The following STAMBPL1 variants were observed in gnomAD, a reference collection of about 807,000 sequenced individuals.
The protein encoded by STAMBPL1 is STAM binding protein like 1, also known as AMSH-like protease.
STAMBPL1 carries 44 observed loss-of-function variants against 52.9 expected under a neutral mutation model. The ratio of observed to expected loss-of-function variants is 0.83; its 90% CI spans 0.65 to 1.07. The LOEUF (loss-of-function observed/expected upper bound fraction) is 1.07, where lower values mean the gene tolerates loss of function less well. Among genes scored for constraint, STAMBPL1 ranks in the 50% least tolerant of loss-of-function variants. STAMBPL1 has a pLI of 0.00. For missense variants in STAMBPL1, 511 were observed against 520.8 expected (o/e 0.98, Z 0.18); for synonymous variants, 164 against 177.3 (o/e 0.92, Z 0.60).
chr10:88,912,861 C>T, intron 5 of STAMBPL1: 1 of 459,568 alleles, frequency 2.2e-6, no homozygotes. Flanking sequence ...ATGAAGGGAT[C>T]CTGATTGTCA....
At chr10:88,921,203 A>AG (rs1845501566) in intron 8 of STAMBPL1, 80 bp from the exon 9 acceptor site, 2 of 1,147,692 alleles carry the variant, frequency 1.7e-6, no homozygotes, top group East Asian at 2.5e-5. Context: ...CTAAAAAAAA[A>AG]CAGAGTTTTC....
At chr10:88,917,651 TA>T (rs2133209940) in intron 8 of STAMBPL1, among the ~76,000 whole-genome samples, 1 of 152,310 alleles carries the variant, frequency 6.6e-6, no homozygotes, top group East Asian at 1.9e-4. Flanking sequence ...TAATTGGTGA[TA>T]ATAATCTATC....
chr10:88,912,876 C>T, intron 5 of STAMBPL1: 1 of 498,970 alleles, frequency 2.0e-6, no homozygotes, highest in Non-Finnish European at 3.6e-6. Context: ...TTGTCATGGC[C>T]TGTCTCTGGT....
intron 1 of STAMBPL1, among the ~76,000 whole-genome samples, chr10:88,888,992 A>G (rs1844610391): frequency 6.6e-6 from 1 of 152,206 alleles, no homozygotes; most frequent in African/African-American, 2.4e-5. Context: ...ATTCCAGTAT[A>G]CTTAATGAAT....
chr10:88,889,745 C>CA (rs540630159), intron 1 of STAMBPL1, among the ~76,000 whole-genome samples: 132 of 152,324 alleles, frequency 8.7e-4, no homozygotes, highest in African/African-American at 2.8e-3. Flanking sequence ...CAGTAGTCAT[C>CA]AAAATCAGTA....
chr10:88,889,913 G>C lies in STAMBPL1; in HGVS notation c.-54+9275G>C, dbSNP rs1312138631. ...TCTGCAATAGTTCCTAAGTCTTTCT[G>C]TCTTTCATGATCTTGACACTTTTTA... On this transcript the variant is annotated intron_variant, in intron 1 of 10. Coordinates refer to ENST00000371926, the MANE Select transcript of STAMBPL1 (RefSeq NM_020799.4). Among the ~76,000 whole-genome samples, 3 of 152,238 alleles carry C rather than the reference G, an allele frequency of 2.0e-5. No homozygotes were observed. The East Asian group carries it at 5.8e-4, about 29-fold the overall frequency.
rs776712911 is a variant in STAMBPL1 at position 88,910,943 on chromosome 10, A to G, written c.352A>G (p.Thr118Ala). 5.6e-6 allele frequency: 9 copies of G among 1,597,604 alleles called. No homozygotes were observed. In the East Asian group the frequency reaches 6.8e-5, roughly 12 times the overall value. The change falls in exon 5 of 11, where the codon ACA becomes GCA. Residue 118 changes from threonine (T) to alanine (A), a missense_variant. By Grantham distance (58) the Thr-to-Ala change is moderately conservative. This residue lies in a region of STAMBPL1 where 358 missense variants were observed against 343.5 expected (regional missense o/e 1.04). Transcript: ENST00000371926. The part of the protein sequence containing the change: ...KKLKEIAFPR[T>A]DELKNDLLKK... ...ACTGAAGGAGATTGCATTCCCAAGG[A>G]CAGATGAATTGAAAAACGACCTTTT...
chr10:88,916,887 T>A, intron 8 of STAMBPL1, 70 bp downstream of exon 8: 1 of 1,345,862 alleles, frequency 7.4e-7, no homozygotes, highest in Non-Finnish European at 9.7e-7. Flanking sequence ...TGAAGAAAAG[T>A]TTAGCTTCAT....
chr10:88,911,183 T>G (rs17114116), intron 5 of STAMBPL1, among the ~76,000 whole-genome samples, 172 bp downstream of exon 5: 2,443 of 152,330 alleles, frequency 0.016, 70 homozygotes, highest in East Asian at 0.12. Context: ...TTAAGCAGTT[T>G]CACCAACAAT....
chr10:88,899,117 A>G (rs1366456824), intron 1 of STAMBPL1, among the ~76,000 whole-genome samples: 1 of 152,134 alleles, frequency 6.6e-6, no homozygotes, highest in African/African-American at 2.4e-5. Context: ...GTTCTTGGAT[A>G]TGTAGCTTCC....
intron 1 of STAMBPL1, among the ~76,000 whole-genome samples, chr10:88,887,062 T>A (rs115304401): frequency 6.6e-6 from 1 of 152,164 alleles, no homozygotes; most frequent in African/African-American, 2.4e-5. Flanking sequence ...CCTTGAAAGG[T>A]TGGTTTATAA....
Position 88,905,504 on chromosome 10 carries a change from G to A in STAMBPL1, c.92G>A (p.Arg31His), listed in dbSNP as rs368354676. ...TCCCTAAGCCCAGAAGAGCGAGTCC[G>A]TGCCCTAAGCAAGCTTGGTTGTAAT... Reference protein sequence around the residue: ...DVSLSPEERVRALSKLGCNIT... With the variant: ...DVSLSPEERVHALSKLGCNIT... Residue 31 changes from arginine to histidine, a missense_variant, in exon 3 of 11, where the codon CGT (arginine) becomes CAT (histidine). Physicochemically the swap from Arg to His is conservative, Grantham distance 29 (BLOSUM62 0). Around this residue, in one of 3 missense-constraint regions of STAMBPL1, gnomAD observed 358 missense variants for 343.5 expected, o/e 1.04. Transcript: ENST00000371926. 2.9e-5 allele frequency: 47 copies of A among 1,614,092 alleles called. No homozygotes were observed. The highest frequency in any genetic ancestry group is 2.3e-4 in the South Asian group (21 of 91,078).
At chr10:88,903,412 A>G (rs569803529) in intron 2 of STAMBPL1, among the ~76,000 whole-genome samples, 1 of 152,242 alleles carries the variant, frequency 6.6e-6, no homozygotes, top group Non-Finnish European at 1.5e-5. Flanking sequence ...GCTACATTCT[A>G]GGGAACAGAG....
intron 7 of STAMBPL1, among the ~76,000 whole-genome samples, chr10:88,916,181 A>G (rs1385387415): frequency 1.3e-5 from 2 of 152,112 alleles, no homozygotes; most frequent in Admixed American, 1.3e-4. Flanking sequence ...AGAATGTCTT[A>G]AGTCTTGAAG....
At chr10:88,880,742 T>G (rs1372709766) in intron 1 of STAMBPL1, 104 bp downstream of exon 1, 2 of 152,190 alleles carry the variant, frequency 1.3e-5, no homozygotes, top group Non-Finnish European at 2.9e-5. Context: ...GCCCTTCCGC[T>G]GGCAGCGTCC....
At chr10:88,916,560 C>G (rs1845374352) in intron 7 of STAMBPL1, 120 bp from the exon 8 acceptor site, 1 of 870,482 alleles carries the variant, frequency 1.1e-6, no homozygotes, top group Non-Finnish European at 1.6e-6. Context: ...TAAGTGGTCC[C>G]TGTACCTGGA....
chr10:88,914,712 T>A, intron 7 of STAMBPL1, 54 bp downstream of exon 7: 1 of 780,060 alleles, frequency 1.3e-6, no homozygotes, highest in Non-Finnish European at 1.7e-6. Context: ...AGGATACTTT[T>A]AATAGTACTA....
intron 5 of STAMBPL1, 100 bp from the exon 6 acceptor site, chr10:88,913,001 T>G: frequency 1.0e-6 from 1 of 1,002,494 alleles, no homozygotes; most frequent in South Asian, 1.6e-5. Flanking sequence ...TCACAGTATC[T>G]AGCATTTTCT....
intron 7 of STAMBPL1, 111 bp downstream of exon 7, chr10:88,914,769 T>C (rs1253709931): frequency 4.9e-6 from 2 of 406,608 alleles, no homozygotes; most frequent in Non-Finnish European, 7.5e-6. Flanking sequence ...CTAAGAGTTA[T>C]CAATATTATG....
Sources: gnomAD v4.1 joint callset for allele counts (sites outside exome capture counted in the v4.1 genomes callset) on GRCh38, gnomAD v4.1.1 for gene constraint, gnomAD v4.1.1 regional missense constraint, MANE v1.5 for transcripts, NCBI Gene and HGNC (gene_info 2026-07-23, HGNC 2026-07-21) for gene names.